The following CMSS1 variants were observed in gnomAD, a reference collection of about 807,000 sequenced individuals.
The protein encoded by CMSS1 is protein CMSS1.
A neutral mutation model predicts 43.5 loss-of-function variants in CMSS1; 33 were observed. The observed-to-expected ratio is 0.76, with a 90% confidence interval of 0.57 to 1.01. The LOEUF is 1.01. CMSS1 is among the 50% of genes least tolerant of loss of function. The pLI is 0.00. For missense variants in CMSS1, 313 were observed against 326.4 expected, an observed-to-expected ratio of 0.96 and a Z score of 0.32; for synonymous variants, 115 against 117.2, an observed-to-expected ratio of 0.98 and a Z score of 0.12.
At chr3:99,944,432 C>G (rs1054346818) in intron 1 of CMSS1, among the ~76,000 whole-genome samples, 2 of 152,218 alleles carry the variant, frequency 1.3e-5, no homozygotes, top group Non-Finnish European at 2.9e-5. Context: ...ACGTCTGTCT[C>G]TCCACCAAGC....
At chr3:99,927,838 C>T (rs988659389) in intron 1 of CMSS1, among the ~76,000 whole-genome samples, 1 of 152,114 alleles carries the variant, frequency 6.6e-6, no homozygotes, top group African/African-American at 2.4e-5. Context: ...CACCTCTGCT[C>T]CTAGCCCCAG....
chr3:99,928,003 G>T (rs1285034110), intron 1 of CMSS1, among the ~76,000 whole-genome samples: 1 of 152,168 alleles, frequency 6.6e-6, no homozygotes, highest in African/African-American at 2.4e-5. Flanking sequence ...ACATGATTGA[G>T]ATTTTTTAGG....
chr3:100,153,541 C>G (rs575929192), intron 2 of CMSS1, among the ~76,000 whole-genome samples: 1 of 152,188 alleles, frequency 6.6e-6, no homozygotes, highest in South Asian at 2.1e-4. Context: ...TTGCAGATGG[C>G]CTTCTCACTA....
At chr3:100,021,956 TGTGTGAGAGAGAGA>T (rs1303642260) in intron 1 of CMSS1, among the ~76,000 whole-genome samples, 99 of 94,594 alleles carry the variant, frequency 1.0e-3, no homozygotes, top group African/African-American at 2.8e-3. Flanking sequence ...TGTGTGTGTG[TGTGTGAGAGAGAGA>T]GAGAGAGAGA....
intron 1 of CMSS1, among the ~76,000 whole-genome samples, chr3:99,824,111 C>A (rs896205258): frequency 6.6e-6 from 1 of 151,920 alleles, no homozygotes; most frequent in African/African-American, 2.4e-5. Flanking sequence ...TTAGCAGAGA[C>A]GGGATTTCAC....
intron 1 of CMSS1, among the ~76,000 whole-genome samples, chr3:100,110,418 T>TC (rs1181866284): frequency 6.6e-6 from 1 of 152,030 alleles, no homozygotes; most frequent in Non-Finnish European, 1.5e-5. Context: ...TTTGCTATCC[T>TC]CCCCTGCATT....
At chr3:100,098,935 AT>A (rs2066258852) in intron 1 of CMSS1, among the ~76,000 whole-genome samples, 1 of 152,216 alleles carries the variant, frequency 6.6e-6, no homozygotes, top group South Asian at 2.1e-4. Flanking sequence ...ATTATAAATA[AT>A]GCCAGTTAAG....
intron 1 of CMSS1, among the ~76,000 whole-genome samples, chr3:99,883,034 C>A (rs894277549): frequency 1.2e-5 from 1 of 83,376 alleles, no homozygotes; most frequent in Non-Finnish European, 3.2e-5. Flanking sequence ...ATGAGAAATT[C>A]TATTATAATT....
chr3:100,037,282 A>G (rs538348315), intron 1 of CMSS1, among the ~76,000 whole-genome samples: 4 of 152,356 alleles, frequency 2.6e-5, no homozygotes, highest in African/African-American at 9.6e-5. Flanking sequence ...CAGATGGTTT[A>G]GAAAAACAAA....
At chr3:100,148,436 A>AT (rs1407756598) in intron 2 of CMSS1, among the ~76,000 whole-genome samples, 1 of 152,124 alleles carries the variant, frequency 6.6e-6, no homozygotes, top group African/African-American at 2.4e-5. Context: ...TATATTTTTC[A>AT]TTGCAACAAT....
At chr3:99,981,969 T>A (rs180697766) in intron 1 of CMSS1, among the ~76,000 whole-genome samples, 129 of 152,052 alleles carry the variant, frequency 8.5e-4, no homozygotes, top group Admixed American at 1.6e-3. Flanking sequence ...CTACAAAAAA[T>A]TAAACAACAA....
rs143268675 is a variant in CMSS1 at position 100,055,864 on chromosome 3, T to C, written c.65-91109T>C. 8.5e-4 allele frequency among the ~76,000 whole-genome samples: 130 copies of C among 152,332 alleles called. 2 individuals are homozygous for C. In the East Asian group the frequency reaches 0.022, roughly 26 times the overall value. On this transcript the variant is annotated intron_variant, in intron 1 of 9. Coordinates refer to ENST00000421999, the MANE Select transcript of CMSS1 (RefSeq NM_032359.4). ...TCTTCCACAATATGAAGGGTAGATA[T>C]GAAGTTTTTCATAACTACCTTCAAG...
In CMSS1 at chr3:100,056,621, T is replaced by C. The variant is rs143427875; in HGVS notation, c.65-90352T>C. 3.9e-4 allele frequency among the ~76,000 whole-genome samples: 60 copies of C among 152,170 alleles called. 2 individuals are homozygous for C. In the South Asian group the frequency reaches 0.01, roughly 26 times the overall value. ...CATAATCTAATTAACACAGCTAATG[T>C]TGAGTTTCTAGGCAGCTGGAAACAA... is the stretch of plus-strand genomic sequence containing the variant. On this transcript the variant is annotated intron_variant, in intron 1 of 9. Coordinates refer to ENST00000421999, the MANE Select transcript of CMSS1 (RefSeq NM_032359.4).
intron 1 of CMSS1, among the ~76,000 whole-genome samples, chr3:99,929,080 C>T (rs1465489923): frequency 6.6e-6 from 1 of 152,226 alleles, no homozygotes; most frequent in African/African-American, 2.4e-5. Context: ...AGCCTCAACT[C>T]ATGTTCCTAG....
chr3:99,931,695 T>C (rs1158788704), intron 1 of CMSS1, among the ~76,000 whole-genome samples: 1 of 152,218 alleles, frequency 6.6e-6, no homozygotes, highest in Non-Finnish European at 1.5e-5. Flanking sequence ...AGGGCTTATA[T>C]TTAGGACCCT....
chr3:99,915,528 G>A (rs1004855179), intron 1 of CMSS1, among the ~76,000 whole-genome samples: 4 of 151,972 alleles, frequency 2.6e-5, no homozygotes, highest in African/African-American at 4.8e-5. Context: ...TCTTGATTTC[G>A]CATATTTGGA....
intron 1 of CMSS1, chr3:99,874,483 T>C (rs908895893): frequency 2.0e-5 from 3 of 152,224 alleles, no homozygotes; most frequent in Admixed American, 6.5e-5. Flanking sequence ...TATGGTGGGC[T>C]TCCCTAGGTT....
chr3:100,062,961 G>A (rs2291494), intron 1 of CMSS1, among the ~76,000 whole-genome samples: 28,156 of 152,170 alleles, frequency 0.19, 2,946 homozygotes, highest in South Asian at 0.25. Context: ...TGTTCAGCAC[G>A]AAAGGAGGAT....
intron 1 of CMSS1, among the ~76,000 whole-genome samples, chr3:99,931,386 AT>A (rs1465558351): frequency 6.6e-6 from 1 of 152,208 alleles, no homozygotes; most frequent in African/African-American, 2.4e-5. Context: ...ACTTAACATA[AT>A]TATAATATTG....
Sources: allele counts gnomAD v4.1 joint callset (sites outside exome capture counted in the v4.1 genomes callset), GRCh38; gene constraint gnomAD v4.1.1; transcripts MANE v1.5; gene names NCBI Gene and HGNC (gene_info 2026-07-23, HGNC 2026-07-21).